RCAN3: variants seen among roughly 807,000 people sequenced by gnomAD.
RCAN3 encodes regulator of calcineurin 3.
RCAN3 carries 19 observed loss-of-function variants against 21.9 expected under a neutral mutation model. The ratio of observed to expected loss-of-function variants is 0.87; its 90% confidence interval spans 0.61 to 1.27. The LOEUF (loss-of-function observed/expected upper bound fraction) is 1.27. Ranked by LOEUF, RCAN3 falls within the 50% of genes most tolerant of loss-of-function variation. The probability of loss-of-function intolerance (pLI) is 0.00; values close to 1 mark genes in which losing one functional copy is unlikely to be tolerated. For missense variants in RCAN3, 240 were observed against 300.1 expected (o/e 0.80, Z 1.48); for synonymous variants, 114 against 112.3 (o/e 1.01, Z -0.09).
chr1:24,509,381 T>G (rs1016036358), intron 1 of RCAN3, among the ~76,000 whole-genome samples: 1 of 152,238 alleles, frequency 6.6e-6, no homozygotes, highest in African/African-American at 2.4e-5. Context: ...CTTTCAAAAT[T>G]GCAGCCAATC....
intron 2 of RCAN3, among the ~76,000 whole-genome samples, chr1:24,517,101 TTTTG>T (rs1553150621): frequency 2.6e-5 from 4 of 151,468 alleles, no homozygotes; most frequent in African/African-American, 7.3e-5. Flanking sequence ...TTTGTTTTTT[TTTTG>T]TTTGTTTGTT....
At chr1:24,512,826 A>T (rs967226311) in intron 1 of RCAN3, among the ~76,000 whole-genome samples, 4 of 152,212 alleles carry the variant, frequency 2.6e-5, no homozygotes, top group African/African-American at 2.4e-5. Flanking sequence ...TGTGCACTTC[A>T]TTGGAAGAGG....
chr1:24,516,299 C>CATAAA (rs1648317385), intron 2 of RCAN3, among the ~76,000 whole-genome samples: 1 of 151,996 alleles, frequency 6.6e-6, no homozygotes, highest in Non-Finnish European at 1.5e-5. Context: ...ACCCCATCTC[C>CATAAA]ATAAAATAAA....
chr1:24,513,644 A>G (rs545621243), intron 1 of RCAN3, among the ~76,000 whole-genome samples: 1 of 152,222 alleles, frequency 6.6e-6, no homozygotes, highest in South Asian at 2.1e-4. Flanking sequence ...GCAACACAAC[A>G]CGACTCCATC....
chr1:24,512,046 CAT>C (rs1352419801), intron 1 of RCAN3, among the ~76,000 whole-genome samples: 13 of 152,050 alleles, frequency 8.5e-5, no homozygotes, highest in South Asian at 2.1e-4. Flanking sequence ...CGCAGGAACA[CAT>C]GTTTGCTGAG....
chr1:24,520,483 C>T (rs573409380), intron 2 of RCAN3, among the ~76,000 whole-genome samples: 68 of 152,126 alleles, frequency 4.5e-4, no homozygotes, highest in African/African-American at 1.6e-3. Flanking sequence ...GTACATACAC[C>T]GTGGAATACT....
chr1:24,518,348 A>C (rs1648511004), intron 2 of RCAN3, among the ~76,000 whole-genome samples: 1 of 152,218 alleles, frequency 6.6e-6, no homozygotes, highest in Admixed American at 6.5e-5. Flanking sequence ...TCTTAAAAAT[A>C]GTGTTGGAGG....
chr1:24,528,703 G>T (rs196416), intron 2 of RCAN3, among the ~76,000 whole-genome samples: 70,355 of 152,024 alleles, frequency 0.46, 16,625 homozygotes, highest in East Asian at 0.73. Context: ...AGCCTTAAAA[G>T]GTAGGAAGCG....
At chr1:24,514,617 A>G (rs766865098) in intron 2 of RCAN3, 50 bp downstream of exon 2, 5 of 1,545,266 alleles carry the variant, frequency 3.2e-6, no homozygotes, top group Non-Finnish European at 2.7e-6. Context: ...TTAAATGTGT[A>G]TGGATTTGGG....
At position 24,525,348 on chromosome 1, in the gene RCAN3, A is replaced by G. The variant is rs12058795; in HGVS notation, c.196-5870A>G. ...CATTTTGATGACTGACTAACTGCAC[A>G]GGTGATCTTAGCATATGAAGGCAGC... On this transcript the variant is annotated intron_variant, in intron 2 of 4. Coordinates refer to ENST00000374395, the MANE Select transcript of RCAN3 (RefSeq NM_013441.4). The surrounding 1 kb of genome is among the most constrained non-coding windows in gnomAD (Gnocchi z 4.1). 7.8e-3 allele frequency among the ~76,000 whole-genome samples: 1,189 copies of G among 152,342 alleles called. 14 individuals are homozygous for G. Among genetic ancestry groups the G allele is most frequent in the African/African-American group, 0.027 (1,124 of 41,580 alleles).
chr1:24,519,955 A>G (rs1648660204), intron 2 of RCAN3, among the ~76,000 whole-genome samples: 1 of 152,240 alleles, frequency 6.6e-6, no homozygotes, highest in Non-Finnish European at 1.5e-5. Flanking sequence ...TTGATTCTGT[A>G]CCTTCCATTT....
At position 24,527,964 on chromosome 1, in the gene RCAN3, C is replaced by A. The variant is rs1649408325; in HGVS notation, c.196-3254C>A. Reference sequence around the variant, plus strand: ...TTGCTCTCTTTCTTTTTCTCTAGTCCATCTCAAAATACTCAGGAGATATAC... The same window carrying A: ...TTGCTCTCTTTCTTTTTCTCTAGTCAATCTCAAAATACTCAGGAGATATAC... On this transcript the variant is annotated intron_variant, in intron 2 of 4. Coordinates refer to ENST00000374395, the MANE Select transcript of RCAN3 (RefSeq NM_013441.4). 1.3e-5 allele frequency among the ~76,000 whole-genome samples: 2 copies of A among 151,822 alleles called. 1 individual carries two copies. Among genetic ancestry groups the A allele is most frequent in the South Asian group, 4.2e-4 (2 of 4,818 alleles).
chr1:24,520,982 A>G (rs940764551), intron 2 of RCAN3, among the ~76,000 whole-genome samples: 1 of 152,228 alleles, frequency 6.6e-6, no homozygotes, highest in African/African-American at 2.4e-5. Flanking sequence ...TAGAACCTCA[A>G]GGAATCCCAA....
rs1650383516 is a variant in RCAN3, at chr1:24,539,158, C to T, written c.*3881C>T. The T allele has an allele frequency of 6.6e-6, 1 of 152,074 alleles. No individual in the cohort carries two copies. Among genetic ancestry groups the T allele is most frequent in the South Asian group, 2.1e-4 (1 of 4,824 alleles). 9.4% of individuals were successfully genotyped at this position (152,074 alleles called of 1,614,324 possible). ...CAGGGACTACAACTGGCAATCCCAA[C>T]TCCTGGGCTAGGGCTTTTTCTACCT... is the stretch of plus-strand genomic sequence containing the variant. On this transcript the variant is annotated 3_prime_UTR_variant, in exon 5 of 5. Transcript: ENST00000374395.
chr1:24,524,170 CAG>C (rs1189425367), intron 2 of RCAN3, among the ~76,000 whole-genome samples: 1 of 152,032 alleles, frequency 6.6e-6, no homozygotes. Context: ...GCAGAGGTTG[CAG>C]AGAGCCAAGA....
upstream of RCAN3, chr1:24,502,581 C>A (rs1214413002): frequency 6.6e-6 from 1 of 152,582 alleles, no homozygotes; most frequent in Non-Finnish European, 1.5e-5. Context: ...AAAAGGAGAT[C>A]GGCTCTCTCC....
rs369004396 is a variant in RCAN3, at chr1:24,531,319, G to A, written c.297G>A (p.Ala99=). Residue 99 remains alanine (A), a synonymous_variant, in exon 3 of 5, where the codon GCG becomes GCA. Coordinates refer to ENST00000374395, the MANE Select transcript of RCAN3 (RefSeq NM_013441.4). ...GAATAAATTTCAGCAAACCTGAAGCGGCAGCAAGAGCGCGAATAGAACTCC... is the reference window on the plus strand; with the variant it reads ...GAATAAATTTCAGCAAACCTGAAGCAGCAGCAAGAGCGCGAATAGAACTCC... The part of the protein sequence containing the change: ...RVRINFSKPE[A]AARARIELHE... 30 of 1,613,726 alleles carry A rather than the reference G, an allele frequency of 1.9e-5. No individual in the cohort carries two copies. Among genetic ancestry groups the A allele is most frequent in the African/African-American group, 2.7e-5 (2 of 74,870 alleles).
Position 24,513,635 on chromosome 1 carries a change from C to T in RCAN3, c.-59-679C>T, listed in dbSNP as rs536127076. On this transcript the variant is annotated intron_variant, in intron 1 of 4. Coordinates refer to ENST00000374395, the MANE Select transcript of RCAN3 (RefSeq NM_013441.4). ...TCGCGCCACTGCACTCCAGCCTGGGCAACACAACACGACTCCATCTCAAAA... is the reference window on the plus strand; with the variant it reads ...TCGCGCCACTGCACTCCAGCCTGGGTAACACAACACGACTCCATCTCAAAA... Among the ~76,000 whole-genome samples the T allele has an allele frequency of 9.2e-4, 140 of 152,144 alleles. 1 individual carries two copies. Among genetic ancestry groups the T allele is most frequent in the Middle Eastern group, 6.8e-3 (2 of 294 alleles).
At chr1:24,520,754 G>A (rs1423554513) in intron 2 of RCAN3, among the ~76,000 whole-genome samples, 3 of 151,900 alleles carry the variant, frequency 2.0e-5, no homozygotes, top group African/African-American at 2.4e-5. Flanking sequence ...AATGGGTGCA[G>A]CACACCAACA....
Sources: gnomAD v4.1 joint callset for allele counts (sites outside exome capture counted in the v4.1 genomes callset) on GRCh38, gnomAD v4.1.1 for gene constraint, Gnocchi (gnomAD v3.1) non-coding constraint, MANE v1.5 for transcripts, NCBI Gene and HGNC (gene_info 2026-07-23, HGNC 2026-07-21) for gene names.